Variants in ANK3 observed in about 807,000 individuals in gnomAD.
The protein encoded by ANK3 is ankyrin-3.
In ANK3, 57 loss-of-function variants were observed where a neutral mutation model predicts 370.9. That is an observed-to-expected ratio of 0.15 (90% CI 0.12 to 0.19). The LOEUF (loss-of-function observed/expected upper bound fraction) is 0.19. Among genes scored for constraint, ANK3 ranks in the 10% least tolerant of loss-of-function variants. The pLI is 1.00. For missense variants in ANK3, 4,439 were observed against 5,302.1 expected (o/e 0.84, Z 5.06); for synonymous variants, 1,929 against 1,946.3 (o/e 0.99, Z 0.23).
intron 42 of ANK3, 145 bp downstream of exon 42, chr10:60,055,513 T>C: frequency 1.8e-6 from 2 of 1,114,162 alleles, no homozygotes; most frequent in African/African-American, 1.6e-5. Context: ...TTTCTTTACC[T>C]CCACCATTAG....
intron 2 of ANK3, among the ~76,000 whole-genome samples, chr10:60,536,965 A>C (rs552165195): frequency 6.6e-6 from 1 of 152,042 alleles, no homozygotes. Flanking sequence ...AAAATTCTTC[A>C]GTTGGCTGAA....
At chr10:60,181,823 A>G (rs547640493) in intron 17 of ANK3, among the ~76,000 whole-genome samples, 20 of 152,124 alleles carry the variant, frequency 1.3e-4, no homozygotes, top group Admixed American at 2.6e-4. Flanking sequence ...AAAAAAAATT[A>G]TATGTTATAC....
chr10:60,299,835 T>A (rs1206833106), intron 1 of ANK3, among the ~76,000 whole-genome samples: 1 of 152,212 alleles, frequency 6.6e-6, no homozygotes, highest in East Asian at 1.9e-4. Flanking sequence ...ACATCCTTCA[T>A]CTACCATTTA....
At chr10:60,410,812 C>T (rs964524280) in intron 2 of ANK3, among the ~76,000 whole-genome samples, 2 of 152,080 alleles carry the variant, frequency 1.3e-5, no homozygotes, top group Non-Finnish European at 2.9e-5. Context: ...ACTACAGGTG[C>T]ACACCAGAAT....
At chr10:60,324,629 T>C (rs1005677436) in intron 1 of ANK3, among the ~76,000 whole-genome samples, 8 of 152,150 alleles carry the variant, frequency 5.3e-5, no homozygotes, top group Non-Finnish European at 8.8e-5. Context: ...CTTTCAGGAA[T>C]GAGAAGCCCA....
intron 1 of ANK3, among the ~76,000 whole-genome samples, chr10:60,625,260 GCACA>G (rs1045110943): frequency 2.0e-5 from 3 of 152,102 alleles, no homozygotes; most frequent in African/African-American, 7.2e-5. Flanking sequence ...TTAGATGGCT[GCACA>G]CACACAAGAG....
At chr10:60,479,221 C>T (rs1567076941) in intron 2 of ANK3, among the ~76,000 whole-genome samples, 2 of 152,054 alleles carry the variant, frequency 1.3e-5, no homozygotes, top group Non-Finnish European at 2.9e-5. Context: ...CAATGATAAA[C>T]CACATATATG....
intron 1 of ANK3, among the ~76,000 whole-genome samples, chr10:60,345,116 T>C (rs2055144657): frequency 6.6e-6 from 1 of 152,198 alleles, no homozygotes; most frequent in African/African-American, 2.4e-5. Flanking sequence ...CTAAGGATGC[T>C]GTACATGTAC....
chr10:60,577,457 C>T (rs957947229), intron 2 of ANK3, among the ~76,000 whole-genome samples: 2 of 152,150 alleles, frequency 1.3e-5, no homozygotes, highest in Non-Finnish European at 2.9e-5. Flanking sequence ...GGTAACAAAT[C>T]ATGGGGGCAG....
At chr10:60,044,303 G>A in intron 42 of ANK3, 1 of 984,492 alleles carries the variant, frequency 1.0e-6, no homozygotes, top group Non-Finnish European at 1.2e-6. Context: ...TCAGTAAATT[G>A]TTCTTCTGTG....
Position 60,270,159 on chromosome 10 carries a change from T to C in ANK3, c.485A>G (p.Asn162Ser), listed in dbSNP as rs770844854. ...TGTGGCTAGGCTCTGGCTTGCACCA[T>C]TGTCAAGAAGAAACTTGACAACTTC... ...HLEVVKFLLD[N>S]GASQSLATED... Residue 162 changes from asparagine (N) to serine (S), a missense_variant, in exon 5 of 44, where the codon AAT becomes AGT. This residue lies in a region of ANK3 where 136 missense variants were observed against 230.5 expected (regional missense o/e 0.59). Coordinates refer to ENST00000280772, the MANE Select transcript of ANK3 (RefSeq NM_020987.5). 14 of 1,599,048 alleles carry C rather than the reference T, an allele frequency of 8.8e-6. No homozygotes were observed. Among genetic ancestry groups the C allele is most frequent in the African/African-American group, 5.4e-5 (4 of 74,240 alleles).
intron 1 of ANK3, among the ~76,000 whole-genome samples, chr10:60,720,635 T>C (rs968371823): frequency 3.1e-4 from 47 of 152,228 alleles, no homozygotes; most frequent in African/African-American, 1.1e-3. Context: ...AGACAGGGTC[T>C]TGCTCTGTTG....
intron 43 of ANK3, among the ~76,000 whole-genome samples, chr10:60,033,279 G>A (rs1002387414): frequency 1.2e-4 from 19 of 152,006 alleles, no homozygotes; most frequent in African/African-American, 4.3e-4. Flanking sequence ...CCGGGGGCAG[G>A]GGAGGGGGGC....
intron 1 of ANK3, among the ~76,000 whole-genome samples, chr10:60,364,569 G>A (rs1231185885): frequency 2.0e-5 from 3 of 152,058 alleles, no homozygotes; most frequent in Non-Finnish European, 4.4e-5. Flanking sequence ...GGGTGGGATA[G>A]CATTAGGAGA....
intron 1 of ANK3, among the ~76,000 whole-genome samples, chr10:60,631,435 G>A (rs150443403): frequency 1.9e-3 from 293 of 152,026 alleles, no homozygotes; most frequent in African/African-American, 6.7e-3. Context: ...GGGAGGCTGC[G>A]GCACGAGAAT....
chr10:60,711,544 AT>A lies in ANK3; in HGVS notation c.57+21718del, dbSNP rs538708479. 6.0e-4 allele frequency among the ~76,000 whole-genome samples: 92 copies of A among 152,114 alleles called. 1 individual carries two copies. The highest frequency in any genetic ancestry group is 2.0e-3 in the African/African-American group (82 of 41,560). On this transcript the variant is annotated intron_variant, in intron 1 of 43. Coordinates refer to the ANK3 transcript ENST00000373827. The stretch of plus-strand genomic sequence containing the variant: ...ATAAAATACAAAGAGAAAAAAGAAT[AT>A]TTTTTTAAGAAGAAATCGAATATTC...
chr10:60,472,620 A>G (rs763518676), intron 2 of ANK3, among the ~76,000 whole-genome samples: 1 of 152,180 alleles, frequency 6.6e-6, no homozygotes, highest in Non-Finnish European at 1.5e-5. Context: ...ACTTATCAGA[A>G]CAATGAATTC....
At chr10:60,045,496 AT>A (rs2076803733) in intron 42 of ANK3, among the ~76,000 whole-genome samples, 1 of 152,104 alleles carries the variant, frequency 6.6e-6, no homozygotes, top group African/African-American at 2.4e-5. Context: ...CATTACCTTC[AT>A]TTGTGTTTAA....
chr10:60,656,124 A>G (rs1350625253), intron 1 of ANK3, among the ~76,000 whole-genome samples: 3 of 152,178 alleles, frequency 2.0e-5, no homozygotes, highest in Non-Finnish European at 1.5e-5. Context: ...TCACTAGGAA[A>G]CCATCTTGGC....
Sources: gnomAD v4.1 joint callset for allele counts (sites outside exome capture counted in the v4.1 genomes callset) on GRCh38, gnomAD v4.1.1 for gene constraint, gnomAD v4.1.1 regional missense constraint, MANE v1.5 for transcripts, NCBI Gene and HGNC (gene_info 2026-07-23, HGNC 2026-07-21) for gene names.